NOL9: variants seen among roughly 807,000 people sequenced by gnomAD.
NOL9 encodes nucleolar protein 9.
A neutral mutation model predicts 67.9 loss-of-function variants in NOL9; 28 were observed. The observed-to-expected ratio is 0.41, with a 90% CI of 0.31 to 0.57. The LOEUF (loss-of-function observed/expected upper bound fraction) is 0.57. NOL9 is among the 20% of genes least tolerant of loss of function. The pLI is 0.25. For missense variants in NOL9, 777 were observed against 897.0 expected (o/e 0.87, Z 1.71); for synonymous variants, 356 against 352.2 (o/e 1.01, Z -0.12).
Position 6,531,633 on chromosome 1 carries a change from G to C in NOL9, c.1647+335C>G, listed in dbSNP as rs527618245. On this transcript the variant is annotated intron_variant, in intron 9 of 11. Transcript: ENST00000377705. ...CCTGCTCTACAGCGGAAAAGTGGAA[G>C]TGCTGGAGCAGCCCCTGCGACCAGA... Among the ~76,000 whole-genome samples the C allele has an allele frequency of 3.3e-5, 5 of 152,258 alleles. No individual in the cohort carries two copies. In the East Asian group the frequency reaches 5.8e-4, roughly 18 times the overall value.
intron 6 of NOL9, among the ~76,000 whole-genome samples, chr1:6,534,896 C>T (rs1208277363): frequency 2.0e-5 from 3 of 152,096 alleles, no homozygotes; most frequent in African/African-American, 4.8e-5. Flanking sequence ...CTCCACCTCC[C>T]GAGTTCAGGT....
intron 7 of NOL9, 112 bp downstream of exon 7, chr1:6,533,168 C>G (rs1456600963): frequency 2.7e-6 from 3 of 1,125,790 alleles, no homozygotes; most frequent in Non-Finnish European, 3.7e-6. Flanking sequence ...GAGTGAGACC[C>G]TGCCTCAATT....
chr1:6,532,436 T>C lies in NOL9; in HGVS notation c.1535+27A>G. On this transcript the variant is annotated intron_variant, in intron 8 of 11. Transcript: ENST00000377705. ...TCTTTTTCGACGGAAGGAAAAATAA[T>C]TCTTCAGCCAAATGAGGGTTAGTTA... The C allele has an allele frequency of 1.9e-6, 3 of 1,584,398 alleles. No homozygotes were observed. In the African/African-American group the frequency reaches 4.1e-5, roughly 21 times the overall value.
At chr1:6,553,574 G>T (rs535404884) in intron 1 of NOL9, among the ~76,000 whole-genome samples, 14 of 151,400 alleles carry the variant, frequency 9.2e-5, no homozygotes, top group Non-Finnish European at 1.5e-4. Flanking sequence ...AGGTGCGGTG[G>T]TTCACACCTG....
At chr1:6,550,070 T>C (rs1403868510) in intron 2 of NOL9, among the ~76,000 whole-genome samples, 5 of 152,060 alleles carry the variant, frequency 3.3e-5, no homozygotes, top group Non-Finnish European at 5.9e-5. Context: ...CTCGCTCTGT[T>C]GCCCAGGCTG....
Position 6,525,962 on chromosome 1 carries a change from G to A in NOL9, c.2001C>T (p.Tyr667=), listed in dbSNP as rs193040172. 3.1e-6 allele frequency: 5 copies of A among 1,613,944 alleles called. No homozygotes were observed. In the Admixed American group the frequency reaches 5.0e-5, roughly 16 times the overall value. Residue 667 remains tyrosine, a synonymous_variant, in exon 12 of 12, where the codon TAC becomes TAT. Transcript: ENST00000377705. The part of the protein sequence containing the change: ...EGTVPYVTTD[Y]NFKLPGASEK... ...CTGATGCTCCAGGAAGTTTAAAATT[G>A]TAATCCGTTGTGACATAAGGTACTG...
chr1:6,550,824 C>A (rs559128469), intron 1 of NOL9, among the ~76,000 whole-genome samples: 1 of 152,002 alleles, frequency 6.6e-6, no homozygotes, highest in South Asian at 2.1e-4. Flanking sequence ...GCTGGGATTA[C>A]AGGTAAGTGT....
chr1:6,521,878 C>A lies in NOL9; in HGVS notation c.*3976G>T, dbSNP rs1183047608. The A allele has an allele frequency of 6.6e-6, 1 of 152,160 alleles. No individual in the cohort carries two copies. The highest frequency in any genetic ancestry group is 2.4e-5 in the African/African-American group (1 of 41,418). 9.4% of individuals were successfully genotyped at this position (152,160 alleles called of 1,614,324 possible). A position where few individuals can be genotyped will look rare whatever the true frequency, so the allele number is the denominator to read the frequency against. ...AGACATGACTTCACTTACTCCTCACCCAGGAACACTGAAGGAAGGACAATT... is the reference window on the plus strand; with the variant it reads ...AGACATGACTTCACTTACTCCTCACACAGGAACACTGAAGGAAGGACAATT... On this transcript the variant is annotated 3_prime_UTR_variant, in exon 12 of 12. Transcript: ENST00000377705.
chr1:6,544,289 A>G (rs1178838620), intron 5 of NOL9, among the ~76,000 whole-genome samples: 2 of 151,992 alleles, frequency 1.3e-5, no homozygotes, highest in Non-Finnish European at 2.9e-5. Context: ...TCTCAAAAAA[A>G]AAAAAATTAA....
Position 6,523,249 on chromosome 1 carries a change from A to G in NOL9, c.*2605T>C, listed in dbSNP as rs1005102145. On this transcript the variant is annotated 3_prime_UTR_variant, in exon 12 of 12. Transcript: ENST00000377705. ...CCATAACAGACTGTGGAAATGATAA[A>G]AAGTCCAATCTTGTCCTTCTTCTAA... 4 of 152,238 alleles carry G rather than the reference A, an allele frequency of 2.6e-5. No homozygotes were observed. The highest frequency in any genetic ancestry group is 9.6e-5 in the African/African-American group (4 of 41,538). The allele number at this position is 152,238 out of a possible 1,614,324, so 9.4% of individuals were successfully genotyped here.
chr1:6,536,345 CAAATAAAATA>C lies in NOL9; in HGVS notation c.1076-2914_1076-2905del, dbSNP rs70981383. 6.7e-5 allele frequency among the ~76,000 whole-genome samples: 10 copies of C among 149,958 alleles called. No homozygotes were observed. The East Asian group carries it at 1.6e-3, about 24-fold the overall frequency. ...TGGGTGACAGAGCGAGACTCCGTCT[CAAATAAAATA>C]AAATAAAATAAAATAAAAAAATAAA... On this transcript the variant is annotated intron_variant, in intron 6 of 11. Transcript: ENST00000377705.
In NOL9 at chr1:6,554,294, G is replaced by C; in HGVS notation, c.209C>G (p.Ser70Trp). The C allele has an allele frequency of 6.8e-7, 1 of 1,474,784 alleles. No individual in the cohort carries two copies. Among genetic ancestry groups the C allele is most frequent in the South Asian group, 1.3e-5 (1 of 74,562 alleles). The allele number at this position is 1,474,784 out of a possible 1,614,324, so 91.4% of individuals were successfully genotyped here. Residue 70 changes from serine to tryptophan, a missense_variant, in exon 1 of 12, where the codon TCG becomes TGG. Ser to Trp is a radical substitution (Grantham distance 177, BLOSUM62 -3). This residue lies in a region of NOL9 where 364 missense variants were observed against 344.4 expected (regional missense o/e 1.06). Coordinates refer to ENST00000377705, the MANE Select transcript of NOL9 (RefSeq NM_024654.5). Reference protein sequence around the residue: ...VDWREGARQVSRAAAARRPNT... With the variant: ...VDWREGARQVWRAAAARRPNT... ...GGGTCTCCGGGCCGCCGCCGCGCGCGACACCTGGCGGGCTCCCTCCCTCCA... is the reference window on the plus strand; with the variant it reads ...GGGTCTCCGGGCCGCCGCCGCGCGCCACACCTGGCGGGCTCCCTCCCTCCA...
At chr1:6,540,631 GC>G (rs1348898693) in intron 6 of NOL9, among the ~76,000 whole-genome samples, 1 of 152,062 alleles carries the variant, frequency 6.6e-6, no homozygotes, top group Non-Finnish European at 1.5e-5. Flanking sequence ...TTCGAGACCA[GC>G]CTGGCCAACA....
Position 6,532,424 on chromosome 1 carries a change from A to G in NOL9, c.1535+39T>C, listed in dbSNP as rs772636564. 34 of 1,568,614 alleles carry G rather than the reference A, an allele frequency of 2.2e-5. No homozygotes were observed. In the South Asian group the frequency reaches 3.5e-4, roughly 16 times the overall value. Reference sequence around the variant, plus strand: ...GAGAATGGCAGGTCTTTTTCGACGGAAGGAAAAATAATTCTTCAGCCAAAT... The same window carrying G: ...GAGAATGGCAGGTCTTTTTCGACGGGAGGAAAAATAATTCTTCAGCCAAAT... On this transcript the variant is annotated intron_variant, in intron 8 of 11. Transcript: ENST00000377705.
At chr1:6,526,192 G>A (rs1389308009) in intron 11 of NOL9, among the ~76,000 whole-genome samples, 189 bp from the exon 12 acceptor site, 1 of 152,118 alleles carries the variant, frequency 6.6e-6, no homozygotes, top group Non-Finnish European at 1.5e-5. Context: ...AACGTGCCAA[G>A]GCCTCCCTTC....
At chr1:6,545,815 G>A (rs1471799351) in intron 3 of NOL9, among the ~76,000 whole-genome samples, 1 of 149,588 alleles carries the variant, frequency 6.7e-6, no homozygotes, top group African/African-American at 2.5e-5. Flanking sequence ...TTGGGAGGCT[G>A]AAGCACAAGA....
intron 6 of NOL9, among the ~76,000 whole-genome samples, chr1:6,540,354 C>T (rs1467311198): frequency 3.3e-5 from 5 of 151,776 alleles, no homozygotes; most frequent in South Asian, 2.1e-4. Context: ...GATCTCCTAA[C>T]CTCGTGATCC....
intron 5 of NOL9, among the ~76,000 whole-genome samples, chr1:6,543,219 AG>A (rs1226293937): frequency 1.1e-3 from 8 of 7,256 alleles, no homozygotes; most frequent in African/African-American, 1.5e-3. Context: ...TTTTTGAGAC[AG>A]AGTCTTGCTC....
At chr1:6,549,786 T>C (rs1639502650) in intron 2 of NOL9, 88 bp from the exon 3 acceptor site, 3 of 1,523,132 alleles carry the variant, frequency 2.0e-6, no homozygotes, top group African/African-American at 1.4e-5. Flanking sequence ...GGCTAAACTA[T>C]AAACATTAGG....
Sources: gnomAD v4.1 joint callset for allele counts (sites outside exome capture counted in the v4.1 genomes callset) on GRCh38, gnomAD v4.1.1 for gene constraint, gnomAD v4.1.1 regional missense constraint, MANE v1.5 for transcripts, NCBI Gene and HGNC (gene_info 2026-07-23, HGNC 2026-07-21) for gene names.